The following SACS variants were observed in gnomAD, a reference collection of about 807,000 sequenced individuals.
SACS encodes the protein sacsin.
SACS carries 197 observed loss-of-function variants against 348.0 expected under a neutral mutation model. The ratio of observed to expected loss-of-function variants is 0.57; its 90% CI spans 0.50 to 0.64. The LOEUF is 0.64. Ranked by LOEUF, SACS falls within the 30% of genes least tolerant of loss-of-function variation. The probability of loss-of-function intolerance (pLI) is 0.00; values close to 1 mark genes in which losing one functional copy is unlikely to be tolerated. For missense variants in SACS, 4,999 were observed against 5,360.8 expected (o/e 0.93, Z 2.11); for synonymous variants, 1,985 against 1,910.6 (o/e 1.04, Z -1.02).
chr13:23,394,745 C>T (rs1386822579), intron 2 of SACS, among the ~76,000 whole-genome samples: 1 of 152,178 alleles, frequency 6.6e-6, no homozygotes, highest in Non-Finnish European at 1.5e-5. Flanking sequence ...GTCCCAGCTA[C>T]TCGGGAGGCT....
At chr13:23,385,734 G>A (rs535295944) in intron 2 of SACS, among the ~76,000 whole-genome samples, 142 of 152,272 alleles carry the variant, frequency 9.3e-4, no homozygotes, top group African/African-American at 3.2e-3. Flanking sequence ...GCCCAGATCC[G>A]TCAGAGGAAT....
Position 23,372,795 on chromosome 13 carries a change from G to A in SACS, c.172-1630C>T, listed in dbSNP as rs566702437. 5.3e-5 allele frequency among the ~76,000 whole-genome samples: 8 copies of A among 152,268 alleles called. No homozygotes were observed. The East Asian group carries it at 1.5e-3, about 29-fold the overall frequency. ...CAAAGCTTGCCAACGTCCTTGGCAA[G>A]ACCTTCCAACTTATTCTACACCCAT... On this transcript the variant is annotated intron_variant, in intron 3 of 9. Coordinates refer to ENST00000382292, the MANE Select transcript of SACS (RefSeq NM_014363.6).
At chr13:23,406,407 A>G (rs748255771) in intron 2 of SACS, among the ~76,000 whole-genome samples, 2 of 152,156 alleles carry the variant, frequency 1.3e-5, no homozygotes, top group Non-Finnish European at 2.9e-5. Context: ...GAGGGATAGC[A>G]TTGGGAGAAA....
intron 1 of SACS, among the ~76,000 whole-genome samples, chr13:23,431,871 A>T (rs1036780838): frequency 2.6e-5 from 4 of 152,232 alleles, no homozygotes; most frequent in African/African-American, 9.6e-5. Context: ...TCCTTTTGGG[A>T]AATGGTGCAT....
rs974991878 is a variant in SACS, at chr13:23,329,557, T to C, written c.*579A>G. 2 of 646,286 alleles carry C rather than the reference T, an allele frequency of 3.1e-6. No homozygotes were observed. Among genetic ancestry groups the C allele is most frequent in the Admixed American group, 3.0e-5 (1 of 33,038 alleles). 40.0% of individuals were successfully genotyped at this position (646,286 alleles called of 1,614,324 possible). A position where few individuals can be genotyped will look rare whatever the true frequency, so the allele number is the denominator to read the frequency against. ...GCACTCAGTGCACTCTAAAAAGTAC[T>C]ACCTTCACACTCTTAGTCAAGTAAT... On this transcript the variant is annotated 3_prime_UTR_variant, in exon 10 of 10. Coordinates refer to ENST00000382292, the MANE Select transcript of SACS (RefSeq NM_014363.6).
At chr13:23,389,921 T>A (rs1364592259) in intron 2 of SACS, among the ~76,000 whole-genome samples, 1 of 152,234 alleles carries the variant, frequency 6.6e-6, no homozygotes, top group Admixed American at 6.5e-5. Flanking sequence ...CATCTACATA[T>A]GCCAGAAGTC....
Position 23,354,774 on chromosome 13 carries a change from T to C in SACS, c.1838A>G (p.Gln613Arg). The C allele has an allele frequency of 1.2e-6, 2 of 1,614,184 alleles. No individual in the cohort carries two copies. Among genetic ancestry groups the C allele is most frequent in the South Asian group, 1.1e-5 (1 of 91,078 alleles). Residue 613 changes from glutamine to arginine, a missense_variant, in exon 8 of 10, where the codon CAG becomes CGG. Gln to Arg is a conservative substitution (Grantham distance 43, BLOSUM62 1). This residue lies in a region of SACS where 3,156 missense variants were observed against 3,380.1 expected (regional missense o/e 0.93). Coordinates refer to ENST00000382292, the MANE Select transcript of SACS (RefSeq NM_014363.6). ...TGTTGTGCCAGAGGCAGCTGTGAGC[T>C]GAACAGCAGCATCCACATTCCCTGG... The part of the protein sequence containing the change: ...KVPGNVDAAV[Q>R]LTAASGTTPV...
intron 9 of SACS, among the ~76,000 whole-genome samples, chr13:23,342,908 G>A (rs1267154045): frequency 6.6e-6 from 1 of 152,180 alleles, no homozygotes; most frequent in Non-Finnish European, 1.5e-5. Context: ...AAATAATGGG[G>A]ATGAGATTCT....
At chr13:23,343,920 T>C (rs12584415) in intron 9 of SACS, among the ~76,000 whole-genome samples, 27,217 of 152,186 alleles carry the variant, frequency 0.18, 2,689 homozygotes, top group East Asian at 0.33. Flanking sequence ...GGGCACACTT[T>C]TGCAACTTTA....
chr13:23,393,921 C>T (rs1024733646), intron 2 of SACS, among the ~76,000 whole-genome samples: 7 of 152,000 alleles, frequency 4.6e-5, no homozygotes, highest in Admixed American at 2.6e-4. Context: ...CCACCGCGCC[C>T]GGCTAATTTT....
chr13:23,388,588 T>C lies in SACS; in HGVS notation c.21-13319A>G, dbSNP rs1203238576. ...TAATGTCTTTTGCAGCAAATTTGGATGGAACTGGAGGTCATTAATTCAAAG... is the reference window on the plus strand; with the variant it reads ...TAATGTCTTTTGCAGCAAATTTGGACGGAACTGGAGGTCATTAATTCAAAG... On this transcript the variant is annotated intron_variant, in intron 2 of 9. Coordinates refer to ENST00000382292, the MANE Select transcript of SACS (RefSeq NM_014363.6). Among the ~76,000 whole-genome samples the C allele has an allele frequency of 2.6e-5, 4 of 151,030 alleles. 1 individual carries two copies. The highest frequency in any genetic ancestry group is 4.2e-4 in the South Asian group (2 of 4,778).
At position 23,331,829 on chromosome 13, in the gene SACS, ATC is replaced by A; in HGVS notation, c.12045_12046del (p.Ile4016Ter). The stretch of plus-strand genomic sequence containing the variant: ...ATCATTTTCATGCTTCATAATTCTA[ATC>A]AGTCCTGTAATGAACTGTTCAGAAG... On this transcript the variant is annotated frameshift_variant, in exon 10 of 10. Transcript: ENST00000382292. LOFTEE classifies it high-confidence loss of function. 6.2e-7 allele frequency: 1 copy of A among 1,614,036 alleles called. No individual in the cohort carries two copies. The highest frequency in any genetic ancestry group is 2.2e-5 in the East Asian group (1 of 44,870).
intron 2 of SACS, among the ~76,000 whole-genome samples, chr13:23,387,776 T>G (rs1872355612): frequency 6.6e-6 from 1 of 152,206 alleles, no homozygotes; most frequent in Non-Finnish European, 1.5e-5. Context: ...TGCAACTTAA[T>G]CTGTCCCTTA....
chr13:23,333,620 CGGCCACTGATGG>C lies in SACS; in HGVS notation c.10244_10255del (p.Ser3415_Arg3419delinsCys). ...TCCAAATTTTCCAATGCTTACATAG[CGGCCACTGATGG>C]ATTTATAGCACGGAAGTGACTTTAG... On this transcript the variant is annotated inframe_deletion, in exon 10 of 10. Coordinates refer to ENST00000382292, the MANE Select transcript of SACS (RefSeq NM_014363.6). 1 of 1,613,680 alleles carries C rather than the reference CGGCCACTGATGG, an allele frequency of 6.2e-7. No homozygotes were observed. The highest frequency in any genetic ancestry group is 8.5e-7 in the Non-Finnish European group (1 of 1,179,756).
intron 2 of SACS, among the ~76,000 whole-genome samples, chr13:23,401,757 C>T (rs1872987015): frequency 6.6e-6 from 1 of 152,238 alleles, no homozygotes; most frequent in South Asian, 2.1e-4. Flanking sequence ...TCTGCAATCA[C>T]AGGCCGAAGT....
chr13:23,368,590 G>T, intron 4 of SACS, 103 bp from the exon 5 acceptor site: 1 of 810,018 alleles, frequency 1.2e-6, no homozygotes, highest in African/African-American at 1.7e-5. Flanking sequence ...TACAAGTTAT[G>T]GTTGCATATA....
rs1180900696 is a variant in SACS, at chr13:23,340,179, C to A, written c.3697G>T (p.Asp1233Tyr). Residue 1233 changes from aspartate to tyrosine, a missense_variant, in exon 10 of 10, where the codon GAT becomes TAT. By Grantham distance (160) the Asp-to-Tyr change is radical (BLOSUM62 -3). Coordinates refer to ENST00000382292, the MANE Select transcript of SACS (RefSeq NM_014363.6). ...AVLKHFKIVV[D>Y]WYSSKTFSDE... ...CTAAAGGTTTTTGAAGAATACCAAT[C>A]AACAACAATTTTAAAGTGTTTTAAG... is the stretch of plus-strand genomic sequence containing the variant. The A allele has an allele frequency of 6.2e-7, 1 of 1,612,870 alleles. No homozygotes were observed. The highest frequency in any genetic ancestry group is 1.7e-5 in the Admixed American group (1 of 59,898).
In SACS at chr13:23,330,658, C is replaced by T. The variant is rs1229448994; in HGVS notation, c.13218G>A (p.Thr4406=). ...GTTGCTGTCTTTCAGATTTATGGCT[C>T]GTTGCTTCTTGATTCCATGAAGTAT... ...RFYTSWNQEA[T]SHKSERQQQN... The change falls in exon 10 of 10, where the codon ACG becomes ACA. Residue 4406 remains threonine, a synonymous_variant. Transcript: ENST00000382292. 1.1e-5 allele frequency: 17 copies of T among 1,613,866 alleles called. No individual in the cohort carries two copies. Among genetic ancestry groups the T allele is most frequent in the African/African-American group, 2.7e-5 (2 of 74,898 alleles).
At chr13:23,369,602 T>C (rs1308109475) in intron 4 of SACS, among the ~76,000 whole-genome samples, 2 of 151,856 alleles carry the variant, frequency 1.3e-5, no homozygotes, top group Non-Finnish European at 2.9e-5. Flanking sequence ...TGGAGTGCAG[T>C]GGCGCAATCT....
Sources: gnomAD v4.1 joint callset for allele counts (sites outside exome capture counted in the v4.1 genomes callset) on GRCh38, gnomAD v4.1.1 for gene constraint, gnomAD v4.1.1 regional missense constraint, MANE v1.5 for transcripts, NCBI Gene and HGNC (gene_info 2026-07-23, HGNC 2026-07-21) for gene names.